IL1RAPL1: variants seen among roughly 807,000 people sequenced by gnomAD.
The protein encoded by IL1RAPL1 is interleukin 1 receptor accessory protein like 1.
A neutral mutation model predicts 48.4 loss-of-function variants in IL1RAPL1; 3 were observed. The observed-to-expected ratio is 0.06, with a 90% CI of 0.03 to 0.16. IL1RAPL1 has a LOEUF of 0.16. Ranked by LOEUF, IL1RAPL1 falls within the 10% of genes least tolerant of loss-of-function variation. IL1RAPL1 has a pLI of 1.00. For missense variants in IL1RAPL1, 349 were observed against 530.6 expected (o/e 0.66, Z 3.36); for synonymous variants, 185 against 187.7 (o/e 0.99, Z 0.12).
At chrX:29,354,519 T>C (rs1381221200) in intron 3 of IL1RAPL1, among the ~76,000 whole-genome samples, 2 of 112,060 alleles carry the variant, frequency 1.8e-5, no homozygotes, top group Non-Finnish European at 3.8e-5. Flanking sequence ...TATGCTACAC[T>C]GTAGAGTACA....
intron 1 of IL1RAPL1, among the ~76,000 whole-genome samples, chrX:28,757,804 G>A (rs576867444): frequency 8.9e-6 from 1 of 111,817 alleles, no homozygotes; most frequent in African/African-American, 3.2e-5. Context: ...TTTAGTCGAC[G>A]TTCCATACAA....
chrX:29,300,174 T>C (rs762082288), intron 3 of IL1RAPL1, among the ~76,000 whole-genome samples: 8 of 111,715 alleles, frequency 7.2e-5, no homozygotes, highest in Middle Eastern at 4.6e-3. Flanking sequence ...TAGTTCTTTA[T>C]AGCGACACAA....
intron 5 of IL1RAPL1, among the ~76,000 whole-genome samples, chrX:29,422,875 A>G (rs1235884406): frequency 6.3e-5 from 7 of 111,697 alleles, no homozygotes; most frequent in Non-Finnish European, 1.3e-4. Flanking sequence ...CCTTTCGGCC[A>G]AGAGCATTAT....
intron 6 of IL1RAPL1, among the ~76,000 whole-genome samples, chrX:29,877,101 G>T (rs762582409): frequency 9.0e-6 from 1 of 111,515 alleles, no homozygotes; most frequent in South Asian, 3.8e-4. Flanking sequence ...TATTTGGTTG[G>T]TGTTGTCATA....
intron 6 of IL1RAPL1, among the ~76,000 whole-genome samples, chrX:29,809,200 C>T (rs1357689334): frequency 1.9e-5 from 2 of 107,568 alleles, no homozygotes; most frequent in Non-Finnish European, 3.8e-5. Flanking sequence ...CGGGTTCAAG[C>T]GATTCTCCAG....
At chrX:28,851,529 T>C (rs753384227) in intron 2 of IL1RAPL1, among the ~76,000 whole-genome samples, 1 of 111,824 alleles carries the variant, frequency 8.9e-6, no homozygotes, top group South Asian at 3.7e-4. Context: ...ATTTCAATTT[T>C]ATTAAAAACA....
chrX:29,064,649 T>C (rs1280830801), intron 2 of IL1RAPL1, among the ~76,000 whole-genome samples: 1 of 111,734 alleles, frequency 8.9e-6, no homozygotes, highest in Non-Finnish European at 1.9e-5. Context: ...TGGCGCGATC[T>C]CGGCTCACGG....
intron 2 of IL1RAPL1, among the ~76,000 whole-genome samples, chrX:29,129,385 A>G (rs948390590): frequency 4.5e-5 from 5 of 110,635 alleles, no homozygotes; most frequent in African/African-American, 1.6e-4. Flanking sequence ...ATGAATATTT[A>G]CTAATCTATT....
chrX:28,738,691 G>A (rs757318868), intron 1 of IL1RAPL1, among the ~76,000 whole-genome samples: 25 of 111,649 alleles, frequency 2.2e-4, no homozygotes, highest in African/African-American at 6.2e-4. Context: ...AGTAGGGTAA[G>A]AAAGAGGGAG....
intron 5 of IL1RAPL1, among the ~76,000 whole-genome samples, chrX:29,599,485 A>G (rs1291122001): frequency 9.0e-6 from 1 of 111,609 alleles, no homozygotes; most frequent in African/African-American, 3.3e-5. Flanking sequence ...TAACCTCACG[A>G]TTGTGTGCCT....
chrX:29,421,699 G>A (rs1354539363), intron 5 of IL1RAPL1, among the ~76,000 whole-genome samples: 6 of 111,460 alleles, frequency 5.4e-5, no homozygotes, highest in African/African-American at 9.8e-5. Flanking sequence ...CTTTAATGTA[G>A]TATTATCCAT....
chrX:29,286,726 G>A (rs190281468), intron 3 of IL1RAPL1, among the ~76,000 whole-genome samples: 180 of 111,426 alleles, frequency 1.6e-3, no homozygotes, highest in African/African-American at 5.7e-3. Flanking sequence ...TAATAGTTCC[G>A]TATTCTTGAC....
At chrX:29,881,981 C>T (rs1253007371) in intron 6 of IL1RAPL1, among the ~76,000 whole-genome samples, 1 of 110,877 alleles carries the variant, frequency 9.0e-6, no homozygotes, top group Non-Finnish European at 1.9e-5. Context: ...AGAGGGAAAC[C>T]CTTGCAAAAG....
chrX:28,589,261 C>T (rs747335505), intron 1 of IL1RAPL1, among the ~76,000 whole-genome samples: 20 of 111,290 alleles, frequency 1.8e-4, no homozygotes, highest in Non-Finnish European at 3.8e-4. Context: ...TATGTAACTT[C>T]ATTACATCAG....
chrX:29,731,204 T>C (rs1188435431), intron 6 of IL1RAPL1, among the ~76,000 whole-genome samples: 1 of 111,868 alleles, frequency 8.9e-6, no homozygotes, highest in Non-Finnish European at 1.9e-5. Context: ...AGGGATAAAG[T>C]GGGTTCTGCT....
intron 5 of IL1RAPL1, among the ~76,000 whole-genome samples, chrX:29,426,674 A>G (rs1050682852): frequency 2.7e-5 from 3 of 111,876 alleles, no homozygotes; most frequent in African/African-American, 9.7e-5. Context: ...CATGTAAACT[A>G]TTTTAAAGGT....
At chrX:28,710,625 CAA>C (rs1190869490) in intron 1 of IL1RAPL1, among the ~76,000 whole-genome samples, 2 of 110,797 alleles carry the variant, frequency 1.8e-5, no homozygotes, top group Non-Finnish European at 3.8e-5. Context: ...CTGTCCAAAA[CAA>C]ATATTATGTG....
At chrX:28,786,087 A>C (rs759413345) in intron 1 of IL1RAPL1, among the ~76,000 whole-genome samples, 1 of 111,978 alleles carries the variant, frequency 8.9e-6, no homozygotes, top group East Asian at 2.8e-4. Context: ...GATACACAGA[A>C]AACTTGATAG....
At chrX:29,127,641 G>A (rs949748465) in intron 2 of IL1RAPL1, among the ~76,000 whole-genome samples, 2 of 111,431 alleles carry the variant, frequency 1.8e-5, no homozygotes, top group African/African-American at 3.3e-5. Flanking sequence ...ACACCTCCAC[G>A]TGGAAATCCC....
Sources: allele counts gnomAD v4.1 joint callset (sites outside exome capture counted in the v4.1 genomes callset), GRCh38; gene constraint gnomAD v4.1.1; transcripts MANE v1.5; gene names NCBI Gene and HGNC (gene_info 2026-07-23, HGNC 2026-07-21).